Variants in GNPTAB observed in about 807,000 individuals in gnomAD.
GNPTAB encodes the protein N-acetylglucosamine-1-phosphate transferase subunits alpha and beta, also known as N-acetylglucosamine-1-phosphotransferase subunits alpha/beta.
In GNPTAB, 92 loss-of-function variants were observed where a neutral mutation model predicts 136.6. That is an observed-to-expected ratio of 0.67 (90% CI 0.57 to 0.80). The LOEUF (loss-of-function observed/expected upper bound fraction) is 0.80, where lower values mean the gene tolerates loss of function less well. Among genes scored for constraint, GNPTAB ranks in the 30% least tolerant of loss-of-function variants. The pLI is 0.00. For synonymous variants in GNPTAB, 512 were observed against 535.1 expected (o/e 0.96, Z 0.60); for missense variants, 1,343 against 1,501.8 (o/e 0.89, Z 1.75).
intron 1 of GNPTAB, among the ~76,000 whole-genome samples, chr12:101,815,619 T>C (rs1274853486): frequency 1.1e-5 from 1 of 87,438 alleles, no homozygotes; most frequent in African/African-American, 6.3e-5. Context: ...CAAGACCCTG[T>C]TCCAAAAAAA....
intron 7 of GNPTAB, among the ~76,000 whole-genome samples, chr12:101,771,955 G>T (rs1448256711): frequency 1.3e-5 from 2 of 152,258 alleles, no homozygotes; most frequent in South Asian, 4.1e-4. Context: ...TGCTAGTGGG[G>T]TGTCTGAACA....
At chr12:101,783,195 G>C (rs1868442468) in intron 5 of GNPTAB, among the ~76,000 whole-genome samples, 1 of 151,794 alleles carries the variant, frequency 6.6e-6, no homozygotes, top group South Asian at 2.1e-4. Flanking sequence ...TTCAGTACAG[G>C]GAACAGTACC....
intron 16 of GNPTAB, 104 bp downstream of exon 16, chr12:101,759,926 A>G (rs1414563888): frequency 6.5e-6 from 5 of 770,622 alleles, no homozygotes; most frequent in African/African-American, 3.4e-5. Context: ...ATATAAAACC[A>G]TAGAGCCTGC....
Position 101,786,267 on chromosome 12 carries a change from A to T in GNPTAB, c.366-50T>A, listed in dbSNP as rs1868643281. On this transcript the variant is annotated intron_variant, in intron 4 of 20. Coordinates refer to ENST00000299314, the MANE Select transcript of GNPTAB (RefSeq NM_024312.5). ...ACAATTACATTCTTGAAATTTAATCAGCAATGAGAAGCTTGTCATACTACT... is the reference window on the plus strand; with the variant it reads ...ACAATTACATTCTTGAAATTTAATCTGCAATGAGAAGCTTGTCATACTACT... 2.8e-6 allele frequency: 4 copies of T among 1,405,460 alleles called. No homozygotes were observed. The South Asian group carries it at 4.9e-5, about 17-fold the overall frequency. 87.1% of individuals were successfully genotyped at this position (1,405,460 alleles called of 1,614,324 possible). A position where few individuals can be genotyped will look rare whatever the true frequency, so the allele number is the denominator to read the frequency against.
At position 101,764,352 on chromosome 12, in the gene GNPTAB, T is replaced by C. The variant is rs1265564055; in HGVS notation, c.2565A>G (p.Lys855=). 8 of 1,614,028 alleles carry C rather than the reference T, an allele frequency of 5.0e-6. No individual in the cohort carries two copies. The South Asian group carries it at 8.8e-5, about 18-fold the overall frequency. Residue 855 remains lysine, a synonymous_variant, in exon 13 of 21, where the codon AAA becomes AAG. Transcript: ENST00000299314. ...QMTKEKKITG[K]EKENSRMEEN... is the part of the protein sequence containing the mutation. Reference sequence around the variant, plus strand: ...CCTCCATTCTACTGTTCTCTTTTTCTTTCCCTGTGATTTTCTTTTCTTTTG... The same window carrying C: ...CCTCCATTCTACTGTTCTCTTTTTCCTTCCCTGTGATTTTCTTTTCTTTTG...
chr12:101,775,926 G>T (rs80258522), intron 7 of GNPTAB, among the ~76,000 whole-genome samples: 11,611 of 152,144 alleles, frequency 0.076, 476 homozygotes, highest in South Asian at 0.16. Context: ...TTCCCATCCT[G>T]CCTGCACAAA....
At position 101,829,678 on chromosome 12, in the gene GNPTAB, T is replaced by C. The variant is rs566158874; in HGVS notation, c.117+881A>G. Among the ~76,000 whole-genome samples the C allele has an allele frequency of 1.6e-4, 25 of 152,250 alleles. No homozygotes were observed. The South Asian group carries it at 5.2e-3, about 32-fold the overall frequency. The stretch of plus-strand genomic sequence containing the variant: ...AAACAAAGACGAGCAAGTACTATAA[T>C]ATTAAGTACATATTTCACACTTACA... On this transcript the variant is annotated intron_variant, in intron 1 of 20. Coordinates refer to ENST00000299314, the MANE Select transcript of GNPTAB (RefSeq NM_024312.5).
chr12:101,792,904 C>T (rs943482465), intron 2 of GNPTAB, among the ~76,000 whole-genome samples: 1 of 152,162 alleles, frequency 6.6e-6, no homozygotes, highest in Non-Finnish European at 1.5e-5. Flanking sequence ...TAGGGTTTTT[C>T]TGAATTTATC....
Position 101,752,931 on chromosome 12 carries a change from C to G in GNPTAB, c.3602+441G>C, listed in dbSNP as rs1000057659. On this transcript the variant is annotated intron_variant, in intron 19 of 20. Coordinates refer to ENST00000299314, the MANE Select transcript of GNPTAB (RefSeq NM_024312.5). ...ATAAAAATTATAACTATACATTTTA[C>G]AAAGAAATTAAAGAGCAAATAACAC... Among the ~76,000 whole-genome samples the G allele has an allele frequency of 2.0e-5, 3 of 152,180 alleles. 1 individual carries two copies. The highest frequency in any genetic ancestry group is 2.0e-4 in the Admixed American group (3 of 15,288).
At chr12:101,799,237 A>G (rs1869474191) in intron 1 of GNPTAB, among the ~76,000 whole-genome samples, 1 of 152,222 alleles carries the variant, frequency 6.6e-6, no homozygotes, top group African/African-American at 2.4e-5. Flanking sequence ...TAACAACTTA[A>G]AGCAAAAGGA....
chr12:101,825,699 C>T (rs201644147), intron 1 of GNPTAB, among the ~76,000 whole-genome samples: 7,688 of 151,624 alleles, frequency 0.051, 640 homozygotes, highest in African/African-American at 0.17. Context: ...AAATCCATTA[C>T]AAGTCATGCT....
At chr12:101,816,646 A>G (rs762701198) in intron 1 of GNPTAB, among the ~76,000 whole-genome samples, 1 of 152,236 alleles carries the variant, frequency 6.6e-6, no homozygotes, top group Non-Finnish European at 1.5e-5. Context: ...AGATTCCTCA[A>G]AAAACTAAAA....
intron 1 of GNPTAB, among the ~76,000 whole-genome samples, chr12:101,813,947 C>A (rs1193122471): frequency 6.6e-6 from 1 of 152,090 alleles, no homozygotes; most frequent in Non-Finnish European, 1.5e-5. Flanking sequence ...GGTGTGGTGG[C>A]ATGCACCTGT....
intron 1 of GNPTAB, among the ~76,000 whole-genome samples, chr12:101,827,268 ACTC>A (rs1303640357): frequency 1.3e-4 from 19 of 151,616 alleles, no homozygotes; most frequent in Admixed American, 9.2e-4. Context: ...AACTGGGACT[ACTC>A]TACTTTTTTT....
At chr12:101,770,320 G>A (rs1246226026) in intron 9 of GNPTAB, 86 bp downstream of exon 9, 2 of 1,362,632 alleles carry the variant, frequency 1.5e-6, no homozygotes, top group South Asian at 1.2e-5. Flanking sequence ...GAAGGGTAAA[G>A]GGAATGAAAT....
At chr12:101,802,564 C>G (rs993037323) in intron 1 of GNPTAB, among the ~76,000 whole-genome samples, 1 of 151,632 alleles carries the variant, frequency 6.6e-6, no homozygotes, top group Non-Finnish European at 1.5e-5. Context: ...GAGTCAAAGG[C>G]ATAGAAGGAA....
At chr12:101,780,081 G>A (rs1310704884) in intron 7 of GNPTAB, 71 bp downstream of exon 7, 7 of 1,448,922 alleles carry the variant, frequency 4.8e-6, no homozygotes, top group Non-Finnish European at 6.8e-6. Context: ...GAAAAAAATG[G>A]ACCACAAGAA....
At chr12:101,801,913 G>C (rs1274882912) in intron 1 of GNPTAB, among the ~76,000 whole-genome samples, 1 of 151,808 alleles carries the variant, frequency 6.6e-6, no homozygotes, top group Non-Finnish European at 1.5e-5. Context: ...AATTAGCCAG[G>C]CATGGTGGCG....
intron 5 of GNPTAB, among the ~76,000 whole-genome samples, chr12:101,782,917 C>T (rs996568889): frequency 6.6e-6 from 1 of 152,060 alleles, no homozygotes; most frequent in South Asian, 2.1e-4. Context: ...GCATTGCTGG[C>T]TACCTCACCT....
Sources: allele counts gnomAD v4.1 joint callset (sites outside exome capture counted in the v4.1 genomes callset), GRCh38; gene constraint gnomAD v4.1.1; transcripts MANE v1.5; gene names NCBI Gene and HGNC (gene_info 2026-07-23, HGNC 2026-07-21).